CRHR1: variants seen among roughly 807,000 people sequenced by gnomAD.
CRHR1 encodes corticotropin-releasing hormone receptor 1.
Under a neutral mutation model 56.0 loss-of-function variants are expected in CRHR1, and 28 were observed. The ratio of observed to expected loss-of-function variants is 0.50; its 90% confidence interval spans 0.37 to 0.69. The LOEUF is 0.69. Ranked by LOEUF, CRHR1 falls within the 30% of genes least tolerant of loss-of-function variation. CRHR1 has a pLI of 0.00. For missense variants in CRHR1, 376 were observed against 548.0 expected, an observed-to-expected ratio of 0.69 and a Z score of 3.13; for synonymous variants, 195 against 216.5, an observed-to-expected ratio of 0.90 and a Z score of 0.87.
At chr17:45,821,618 C>T (rs532733903) in intron 4 of CRHR1, among the ~76,000 whole-genome samples, 178 bp downstream of exon 4, 47 of 152,330 alleles carry the variant, frequency 3.1e-4, no homozygotes, top group Non-Finnish European at 5.6e-4. Context: ...CAGGCGCCCT[C>T]GAGGGCAGGC....
At chr17:45,829,524 G>A (rs1047091521) in intron 5 of CRHR1, 1 of 1,529,254 alleles carries the variant, frequency 6.5e-7, no homozygotes, top group African/African-American at 1.4e-5. Context: ...GGAATGGTGG[G>A]GAGGGACAAA....
chr17:45,828,501 G>A (rs1462970538), intron 4 of CRHR1, among the ~76,000 whole-genome samples: 1 of 152,226 alleles, frequency 6.6e-6, no homozygotes, highest in African/African-American at 2.4e-5. Context: ...GCTGTAAAGA[G>A]GAGGGCAGTG....
intron 2 of CRHR1, among the ~76,000 whole-genome samples, chr17:45,810,676 A>C (rs1026947572): frequency 6.6e-6 from 1 of 152,086 alleles, no homozygotes; most frequent in Non-Finnish European, 1.5e-5. Flanking sequence ...TGCCTCCCGT[A>C]TGCCTGGCAC....
In CRHR1 at chr17:45,833,194, TG is replaced by T; in HGVS notation, c.828del (p.Met276IlefsTer6). On this transcript the variant is annotated frameshift_variant, in exon 9 of 13. Coordinates refer to ENST00000314537, the MANE Select transcript of CRHR1 (RefSeq NM_004382.5). LOFTEE classifies it high-confidence loss of function. ...VYTDYIYQGPMILVLLINFIF... is the reference protein window; with the variant it reads ...VYTDYIYQGPXILVLLINFIF... ...ACCGACTACATCTACCAGGGCCCCATGATCCTGGTCCTGCTGGTAAGAACCT... is the reference window on the plus strand; with the variant it reads ...ACCGACTACATCTACCAGGGCCCCATATCCTGGTCCTGCTGGTAAGAACCT... The T allele has an allele frequency of 6.2e-7, 1 of 1,613,974 alleles. No homozygotes were observed. The highest frequency in any genetic ancestry group is 2.2e-5 in the East Asian group (1 of 44,872).
rs2061286406 is a variant in CRHR1 at position 45,784,344 on chromosome 17, G to C, written c.-201G>C. The stretch of plus-strand genomic sequence containing the variant: ...CGGGAAACGGCGGCCAGACTTCCCC[G>C]GGAAGGGGCGAGCGAGAGCCGGGCC... On this transcript the variant is annotated 5_prime_UTR_variant, in exon 1 of 13. Coordinates refer to ENST00000314537, the MANE Select transcript of CRHR1 (RefSeq NM_004382.5). This position sits in a 1 kb window ranked among gnomAD's most constrained non-coding sequence, Gnocchi z 4.2. 3.2e-6 allele frequency: 1 copy of C among 314,168 alleles called. No individual in the cohort carries two copies. The allele number at this position is 314,168 out of a possible 1,614,324, so 19.5% of individuals were successfully genotyped here. A position where few individuals can be genotyped will look rare whatever the true frequency, so the allele number is the denominator to read the frequency against.
Position 45,784,619 on chromosome 17 carries a change from G to C in CRHR1, c.33+42G>C. 1 of 1,528,360 alleles carries C rather than the reference G, an allele frequency of 6.5e-7. No homozygotes were observed. The highest frequency in any genetic ancestry group is 1.2e-5 in the South Asian group (1 of 82,034). The allele number at this position is 1,528,360 out of a possible 1,614,324, so 94.7% of individuals were successfully genotyped here. ...CATCCCTCGAGCGCTGGCGCCCCCGGCCCCTGGCGGACGCGGGACGGGGCT... is the reference window on the plus strand; with the variant it reads ...CATCCCTCGAGCGCTGGCGCCCCCGCCCCCTGGCGGACGCGGGACGGGGCT... On this transcript the variant is annotated intron_variant, in intron 1 of 12. Coordinates refer to ENST00000314537, the MANE Select transcript of CRHR1 (RefSeq NM_004382.5). The surrounding 1 kb of genome is among the most constrained non-coding windows in gnomAD (Gnocchi z 4.2).
chr17:45,834,066 C>T lies in CRHR1; in HGVS notation c.1107+18C>T. The T allele has an allele frequency of 6.2e-7, 1 of 1,612,644 alleles. No homozygotes were observed. Among genetic ancestry groups the T allele is most frequent in the Non-Finnish European group, 8.5e-7 (1 of 1,178,804 alleles). On this transcript the variant is annotated intron_variant, in intron 12 of 12. Transcript: ENST00000314537. ...ATAGTGAGGTGAGGACCCGGGGGCC[C>T]TGCAGCGGGGTTCAGGGCTGTGAGG...
At chr17:45,822,715 C>T (rs55979424) in intron 4 of CRHR1, among the ~76,000 whole-genome samples, 21,787 of 151,814 alleles carry the variant, frequency 0.14, 2,132 homozygotes, top group Middle Eastern at 0.22. Context: ...CCGGGTGTGG[C>T]GGGATTACAC....
At chr17:45,824,302 A>C (rs774446138) in intron 4 of CRHR1, among the ~76,000 whole-genome samples, 7 of 152,186 alleles carry the variant, frequency 4.6e-5, no homozygotes, top group Non-Finnish European at 2.9e-5. Context: ...ACGCCATTGC[A>C]GAGAGGGATG....
chr17:45,785,907 G>T (rs968496660), intron 1 of CRHR1, among the ~76,000 whole-genome samples: 1 of 152,156 alleles, frequency 6.6e-6, no homozygotes, highest in Non-Finnish European at 1.5e-5. Flanking sequence ...TTACCTGAGG[G>T]CTAGGGATGA....
chr17:45,821,208 C>CCT, intron 3 of CRHR1, 147 bp from the exon 4 acceptor site: 1 of 721,906 alleles, frequency 1.4e-6, no homozygotes, highest in Admixed American at 2.0e-5. Flanking sequence ...TAAGGAAGCC[C>CCT]CTCTCCCCAG....
intron 2 of CRHR1, among the ~76,000 whole-genome samples, chr17:45,807,508 G>A (rs945147949): frequency 6.6e-6 from 1 of 152,162 alleles, no homozygotes; most frequent in African/African-American, 2.4e-5. Context: ...AATACTCCAC[G>A]GTGCTAACCC....
chr17:45,819,488 C>T (rs1226330727), intron 3 of CRHR1, among the ~76,000 whole-genome samples: 2 of 148,002 alleles, frequency 1.4e-5, no homozygotes, highest in Non-Finnish European at 3.1e-5. Flanking sequence ...ATCTCTGTCC[C>T]AAAGCCCCTA....
intron 2 of CRHR1, among the ~76,000 whole-genome samples, chr17:45,813,579 C>T (rs1316650546): frequency 6.6e-6 from 1 of 152,178 alleles, no homozygotes; most frequent in Non-Finnish European, 1.5e-5. Context: ...GGAGGCGCGG[C>T]GCTGCTGGGG....
chr17:45,785,647 G>A (rs1406525627), intron 1 of CRHR1, among the ~76,000 whole-genome samples: 2 of 152,222 alleles, frequency 1.3e-5, no homozygotes, highest in African/African-American at 4.8e-5. Context: ...TGGATTTGGG[G>A]GAGGGGTGCG....
chr17:45,823,888 T>G (rs2062100468), intron 4 of CRHR1, among the ~76,000 whole-genome samples: 1 of 152,224 alleles, frequency 6.6e-6, no homozygotes, highest in African/African-American at 2.4e-5. Context: ...TCCACGGTGC[T>G]GCTCTGGCAG....
intron 3 of CRHR1, among the ~76,000 whole-genome samples, chr17:45,818,166 C>G (rs2061967320): frequency 6.6e-6 from 1 of 152,192 alleles, no homozygotes; most frequent in South Asian, 2.1e-4. Flanking sequence ...AGCGCCACCG[C>G]CCAGCCTCAG....
intron 1 of CRHR1, among the ~76,000 whole-genome samples, chr17:45,795,200 C>T (rs1265290321): frequency 6.6e-6 from 1 of 152,170 alleles, no homozygotes; most frequent in Non-Finnish European, 1.5e-5. Context: ...GATCCAAGGT[C>T]GCACAGGGCA....
At chr17:45,815,485 G>A (rs1021873368) in intron 2 of CRHR1, among the ~76,000 whole-genome samples, 3 of 152,298 alleles carry the variant, frequency 2.0e-5, no homozygotes, top group African/African-American at 4.8e-5. Flanking sequence ...CTTCTTTCTA[G>A]TTCAGATGTT....
Sources: allele counts gnomAD v4.1 joint callset (sites outside exome capture counted in the v4.1 genomes callset), GRCh38; gene constraint gnomAD v4.1.1; non-coding constraint Gnocchi (gnomAD v3.1); transcripts MANE v1.5; gene names NCBI Gene and HGNC (gene_info 2026-07-23, HGNC 2026-07-21).